The following CCSER1 variants were observed in gnomAD, a reference collection of about 807,000 sequenced individuals.
CCSER1 encodes serine-rich coiled-coil domain-containing protein 1.
Under a neutral mutation model 82.0 loss-of-function variants are expected in CCSER1, and 41 were observed. The observed-to-expected ratio is 0.50, with a 90% CI of 0.39 to 0.65. The LOEUF (loss-of-function observed/expected upper bound fraction) is 0.65. CCSER1 is among the 30% of genes least tolerant of loss of function. The probability of loss-of-function intolerance (pLI) is 0.00; values close to 1 mark genes in which losing one functional copy is unlikely to be tolerated. For missense variants in CCSER1, 1,119 were observed against 1,064.2 expected (o/e 1.05, Z -0.72); for synonymous variants, 414 against 383.9 (o/e 1.08, Z -0.92).
intron 10 of CCSER1, among the ~76,000 whole-genome samples, chr4:91,327,004 A>T (rs2149272106): frequency 6.6e-6 from 1 of 152,250 alleles, no homozygotes; most frequent in South Asian, 2.1e-4. Context: ...CCATGCAGCT[A>T]TTTTCATGGA....
intron 8 of CCSER1, among the ~76,000 whole-genome samples, chr4:90,824,515 T>C (rs1446796544): frequency 1.3e-5 from 2 of 152,090 alleles, no homozygotes; most frequent in East Asian, 1.9e-4. Context: ...ATCAGAAATC[T>C]AGAGAGGAGT....
At chr4:90,993,334 G>T (rs778035986) in intron 9 of CCSER1, among the ~76,000 whole-genome samples, 1 of 151,812 alleles carries the variant, frequency 6.6e-6, no homozygotes, top group African/African-American at 2.4e-5. Context: ...AATTATTCTC[G>T]GGTGGAACTG....
chr4:90,744,487 T>G lies in CCSER1; in HGVS notation c.2010+20496T>G, dbSNP rs139386839. 1.5e-3 allele frequency among the ~76,000 whole-genome samples: 234 copies of G among 152,336 alleles called. 1 individual carries two copies. In the East Asian group the frequency reaches 0.019, roughly 13 times the overall value. On this transcript the variant is annotated intron_variant, in intron 7 of 10. Coordinates refer to ENST00000509176, the MANE Select transcript of CCSER1 (RefSeq NM_001145065.2). The stretch of plus-strand genomic sequence containing the variant: ...TAAAAATTATTTTAAAAATGAATAC[T>G]TCTTATATAATACACTATTGTTGGA...
intron 10 of CCSER1, among the ~76,000 whole-genome samples, chr4:91,128,363 GCA>G (rs1159914948): frequency 2.0e-5 from 3 of 151,914 alleles, no homozygotes; most frequent in Admixed American, 6.6e-5. Context: ...GAAATAATTT[GCA>G]CAGTTTTCAA....
At chr4:91,490,138 G>A (rs1471111163) in intron 10 of CCSER1, among the ~76,000 whole-genome samples, 1 of 152,068 alleles carries the variant, frequency 6.6e-6, no homozygotes, top group Non-Finnish European at 1.5e-5. Context: ...CTCAACTATT[G>A]GTAGGAAAGT....
intron 7 of CCSER1, among the ~76,000 whole-genome samples, chr4:90,784,658 A>G (rs977792973): frequency 1.2e-4 from 18 of 152,108 alleles, no homozygotes; most frequent in African/African-American, 4.3e-4. Context: ...ACTACATTTG[A>G]CCCTTGAACA....
intron 3 of CCSER1, among the ~76,000 whole-genome samples, chr4:90,344,041 T>C (rs1167027535): frequency 1.3e-5 from 2 of 152,170 alleles, no homozygotes; most frequent in African/African-American, 2.4e-5. Context: ...CCAAGTCCAC[T>C]AACCTCCCCA....
intron 3 of CCSER1, among the ~76,000 whole-genome samples, chr4:90,337,277 G>A (rs1343484640): frequency 6.6e-6 from 1 of 152,206 alleles, no homozygotes; most frequent in Non-Finnish European, 1.5e-5. Context: ...GCAAGAGGAA[G>A]CATTCTCTAT....
chr4:90,553,126 C>A (rs900767342), intron 5 of CCSER1, among the ~76,000 whole-genome samples: 9 of 152,122 alleles, frequency 5.9e-5, no homozygotes, highest in Non-Finnish European at 1.3e-4. Flanking sequence ...CACACCACCA[C>A]GCCTAGCTAA....
chr4:91,070,828 A>C (rs528269102), intron 9 of CCSER1, among the ~76,000 whole-genome samples: 1 of 152,336 alleles, frequency 6.6e-6, no homozygotes, highest in African/African-American at 2.4e-5. Context: ...AGAGTCTGGT[A>C]TTAACAATTT....
intron 7 of CCSER1, among the ~76,000 whole-genome samples, chr4:90,748,372 T>A (rs907045005): frequency 2.0e-5 from 3 of 151,208 alleles, no homozygotes; most frequent in Non-Finnish European, 4.4e-5. Context: ...GAACTCATCA[T>A]TTTTTATGGC....
intron 1 of CCSER1, among the ~76,000 whole-genome samples, chr4:90,168,406 T>C (rs1578292743): frequency 6.6e-6 from 1 of 152,178 alleles, no homozygotes; most frequent in African/African-American, 2.4e-5. Flanking sequence ...TTGAAAAAAT[T>C]TTCTCCCATT....
intron 6 of CCSER1, among the ~76,000 whole-genome samples, chr4:90,689,814 CAGGTCAG>C (rs898873199): frequency 9.9e-5 from 15 of 152,210 alleles, no homozygotes; most frequent in African/African-American, 3.6e-4. Flanking sequence ...GGGTAAATTA[CAGGTCAG>C]AGGTTGTCCT....
chr4:91,162,055 T>G (rs939880878), intron 10 of CCSER1, among the ~76,000 whole-genome samples: 1 of 152,274 alleles, frequency 6.6e-6, no homozygotes, highest in East Asian at 1.9e-4. Flanking sequence ...ATTCAGTATG[T>G]TATTGGCTGT....
At chr4:90,240,389 G>A (rs186148633) in intron 1 of CCSER1, among the ~76,000 whole-genome samples, 31 of 152,254 alleles carry the variant, frequency 2.0e-4, no homozygotes, top group African/African-American at 6.5e-4. Flanking sequence ...GCTTGAGACT[G>A]CAAGATTGGC....
At chr4:90,224,744 T>C (rs917692655) in intron 1 of CCSER1, among the ~76,000 whole-genome samples, 1 of 152,200 alleles carries the variant, frequency 6.6e-6, no homozygotes, top group Non-Finnish European at 1.5e-5. Context: ...TTTGAATAAA[T>C]GAGTGGTAGT....
At chr4:90,999,705 C>G (rs538979723) in intron 9 of CCSER1, among the ~76,000 whole-genome samples, 2 of 152,206 alleles carry the variant, frequency 1.3e-5, no homozygotes, top group East Asian at 3.9e-4. Context: ...TTGATAGTTT[C>G]TTTTGCTGTG....
intron 10 of CCSER1, among the ~76,000 whole-genome samples, chr4:91,508,177 TTTC>T (rs1759621731): frequency 6.8e-6 from 1 of 147,210 alleles, no homozygotes; most frequent in Non-Finnish European, 1.5e-5. Flanking sequence ...TTTTTTTTTT[TTTC>T]CTGATCTTGG....
chr4:90,711,117 T>C (rs1740525702), intron 6 of CCSER1, among the ~76,000 whole-genome samples: 1 of 152,140 alleles, frequency 6.6e-6, no homozygotes, highest in Admixed American at 6.6e-5. Flanking sequence ...TCATTCATGA[T>C]TTGGCTCCCT....
Sources: gnomAD v4.1 joint callset for allele counts (sites outside exome capture counted in the v4.1 genomes callset) on GRCh38, gnomAD v4.1.1 for gene constraint, MANE v1.5 for transcripts, NCBI Gene and HGNC (gene_info 2026-07-23, HGNC 2026-07-21) for gene names.